The following ATP8A2 variants were observed in gnomAD, a reference collection of about 807,000 sequenced individuals.
The protein encoded by ATP8A2 is phospholipid-transporting ATPase IB.
ATP8A2 carries 100 observed loss-of-function variants against 165.6 expected under a neutral mutation model. The ratio of observed to expected loss-of-function variants is 0.60; its 90% CI spans 0.51 to 0.71. ATP8A2 has a LOEUF of 0.71. ATP8A2 is among the 30% of genes least tolerant of loss of function. ATP8A2 has a pLI of 0.00. For synonymous variants in ATP8A2, 543 were observed against 548.8 expected, an observed-to-expected ratio of 0.99 and a Z score of 0.15; for missense variants, 1,227 against 1,479.5, an observed-to-expected ratio of 0.83 and a Z score of 2.80.
chr13:25,515,301 T>C (rs1295809036), intron 2 of ATP8A2, among the ~76,000 whole-genome samples: 1 of 152,250 alleles, frequency 6.6e-6, no homozygotes, highest in African/African-American at 2.4e-5. Context: ...GCCAATTCCT[T>C]ATCATAAATC....
At chr13:25,458,195 A>G (rs1383810140) in intron 1 of ATP8A2, among the ~76,000 whole-genome samples, 1 of 152,244 alleles carries the variant, frequency 6.6e-6, no homozygotes, top group Non-Finnish European at 1.5e-5. Context: ...CAAAAATAGC[A>G]GGATTAGGCA....
intron 30 of ATP8A2, among the ~76,000 whole-genome samples, chr13:25,854,067 T>C (rs779783857): frequency 3.3e-5 from 5 of 152,170 alleles, no homozygotes; most frequent in Non-Finnish European, 7.4e-5. Context: ...GGGGACTGCC[T>C]CCACTAACCC....
chr13:25,459,787 A>G (rs1296871783), intron 1 of ATP8A2, among the ~76,000 whole-genome samples: 1 of 152,144 alleles, frequency 6.6e-6, no homozygotes, highest in African/African-American at 2.4e-5. Context: ...GAAGGTCATC[A>G]TGGGTGGGGT....
At chr13:25,699,538 G>A (rs1686471582) in intron 25 of ATP8A2, among the ~76,000 whole-genome samples, 193 bp downstream of exon 25, 1 of 152,188 alleles carries the variant, frequency 6.6e-6, no homozygotes, top group African/African-American at 2.4e-5. Flanking sequence ...TTACATTTTT[G>A]TTTTGTTTAT....
At chr13:25,652,484 C>A (rs2041836119) in intron 24 of ATP8A2, among the ~76,000 whole-genome samples, 1 of 152,120 alleles carries the variant, frequency 6.6e-6, no homozygotes, top group African/African-American at 2.4e-5. Flanking sequence ...CCTCCCTCTT[C>A]CTTATTCTTA....
At chr13:25,870,930 C>T (rs1365732307) in intron 33 of ATP8A2, among the ~76,000 whole-genome samples, 1 of 152,142 alleles carries the variant, frequency 6.6e-6, no homozygotes, top group Non-Finnish European at 1.5e-5. Flanking sequence ...TAAAGTAAAG[C>T]AGGTTTCAAA....
At chr13:25,882,941 G>GA (rs1566234027) in intron 33 of ATP8A2, among the ~76,000 whole-genome samples, 3 of 115,594 alleles carry the variant, frequency 2.6e-5, no homozygotes, top group East Asian at 2.4e-4. Flanking sequence ...GATGATGATG[G>GA]TGATGGTGAT....
intron 35 of ATP8A2, among the ~76,000 whole-genome samples, chr13:25,986,632 A>G (rs1002754993): frequency 1.3e-5 from 2 of 152,316 alleles, no homozygotes; most frequent in Non-Finnish European, 2.9e-5. Flanking sequence ...TTGATTCCAT[A>G]TCTTGGTTAT....
At chr13:25,498,781 A>G (rs759111341) in intron 2 of ATP8A2, among the ~76,000 whole-genome samples, 1 of 152,154 alleles carries the variant, frequency 6.6e-6, no homozygotes, top group African/African-American at 2.4e-5. Flanking sequence ...TGTTAACTCA[A>G]TGTTTGACTT....
chr13:25,468,894 C>G, intron 1 of ATP8A2, 83 bp from the exon 2 acceptor site: 5 of 1,568,462 alleles, frequency 3.2e-6, no homozygotes, highest in African/African-American at 1.4e-5. Flanking sequence ...GGTGGCCGCC[C>G]GCCCGCGGCC....
intron 1 of ATP8A2, among the ~76,000 whole-genome samples, chr13:25,406,860 G>T (rs912766180): frequency 6.6e-6 from 1 of 152,226 alleles, no homozygotes; most frequent in Non-Finnish European, 1.5e-5. Context: ...AGCTCAAGCG[G>T]TGGCTTTCAT....
At chr13:25,526,598 A>G (rs1013772583) in intron 2 of ATP8A2, among the ~76,000 whole-genome samples, 33 of 152,294 alleles carry the variant, frequency 2.2e-4, no homozygotes, top group African/African-American at 7.9e-4. Context: ...CCAAATGGAA[A>G]TGGTGCCAAA....
At position 25,399,397 on chromosome 13, in the gene ATP8A2, C is replaced by CCTTTTTTT. The variant is rs1299469233; in HGVS notation, c.76+27109_76+27110insCTTTTTTT. Among the ~76,000 whole-genome samples, 30 of 74,056 alleles carry CCTTTTTTT rather than the reference C, an allele frequency of 4.1e-4. No individual in the cohort carries two copies. The East Asian group carries it at 0.013, about 32-fold the overall frequency. 48.6% of individuals were successfully genotyped at this position (74,056 alleles called of 152,430 possible). ...AGATCCTGATTTCTTAGTGGTTCTT[C>CCTTTTTTT]TTTTTTTTTTTTTTTTTTTGAGACG... On this transcript the variant is annotated intron_variant, in intron 1 of 36. Transcript: ENST00000381655.
intron 24 of ATP8A2, among the ~76,000 whole-genome samples, chr13:25,689,969 T>C (rs746031649): frequency 6.6e-6 from 1 of 152,328 alleles, no homozygotes; most frequent in South Asian, 2.1e-4. Flanking sequence ...ATATACATTA[T>C]TTTTGAGAGA....
At chr13:25,502,942 T>C (rs1427330593) in intron 2 of ATP8A2, among the ~76,000 whole-genome samples, 1 of 152,196 alleles carries the variant, frequency 6.6e-6, no homozygotes, top group African/African-American at 2.4e-5. Flanking sequence ...GTGGTGGTTT[T>C]GTTTATTAGC....
chr13:25,990,245 G>A (rs1956360088), intron 35 of ATP8A2, among the ~76,000 whole-genome samples: 1 of 133,242 alleles, frequency 7.5e-6, no homozygotes, highest in Non-Finnish European at 1.5e-5. Flanking sequence ...TGTTTTGGGT[G>A]CCAAGCATGT....
At chr13:25,534,611 A>G (rs567883395) in intron 6 of ATP8A2, among the ~76,000 whole-genome samples, 1 of 152,328 alleles carries the variant, frequency 6.6e-6, no homozygotes, top group Non-Finnish European at 1.5e-5. Flanking sequence ...TCCATCGTTC[A>G]TTTGGGAGAA....
At chr13:25,522,525 T>C (rs548069906) in intron 2 of ATP8A2, among the ~76,000 whole-genome samples, 4 of 152,196 alleles carry the variant, frequency 2.6e-5, no homozygotes, top group Admixed American at 6.5e-5. Context: ...CCCAGTTGAG[T>C]ATGATGTTGA....
In ATP8A2 at chr13:25,469,131, G is replaced by C. The variant is rs1472349921; in HGVS notation, c.221+10G>C. ...GCGACAACCAGATCAGGTAGGAGAA[G>C]GCGGCCGGCTCGCGCGGAAGGCGGT... is the stretch of plus-strand genomic sequence containing the variant. On this transcript the variant is annotated intron_variant, in intron 2 of 36. Coordinates refer to ENST00000381655, the MANE Select transcript of ATP8A2 (RefSeq NM_016529.6). 5 of 1,613,414 alleles carry C rather than the reference G, an allele frequency of 3.1e-6. No individual in the cohort carries two copies. In the Admixed American group the frequency reaches 6.7e-5, roughly 22 times the overall value.
Sources: allele counts gnomAD v4.1 joint callset (sites outside exome capture counted in the v4.1 genomes callset), GRCh38; gene constraint gnomAD v4.1.1; transcripts MANE v1.5; gene names NCBI Gene and HGNC (gene_info 2026-07-23, HGNC 2026-07-21).